The following TLK2 variants were observed in gnomAD, a reference collection of about 807,000 sequenced individuals.
The protein encoded by TLK2 is tousled like kinase 2.
In TLK2, 6 loss-of-function variants were observed where a neutral mutation model predicts 117.3. The observed-to-expected ratio is 0.05, with a 90% CI of 0.03 to 0.10. The LOEUF is 0.10. Ranked by LOEUF, TLK2 falls within the 10% of genes least tolerant of loss-of-function variation. The pLI, the probability that TLK2 is intolerant of heterozygous loss-of-function variation, is 1.00. For missense variants in TLK2, 299 were observed against 901.2 expected (o/e 0.33, Z 8.56); for synonymous variants, 257 against 316.7 (o/e 0.81, Z 2.00).
intron 11 of TLK2, among the ~76,000 whole-genome samples, chr17:62,571,721 G>A (rs1225985306): frequency 2.0e-5 from 3 of 152,042 alleles, no homozygotes; most frequent in Admixed American, 6.6e-5. Flanking sequence ...AGATATGTTC[G>A]AATAAACTGT....
intron 2 of TLK2, among the ~76,000 whole-genome samples, chr17:62,513,801 C>T (rs573355519): frequency 1.3e-5 from 2 of 152,008 alleles, no homozygotes; most frequent in Non-Finnish European, 2.9e-5. Context: ...AAGTTCTCTG[C>T]CTCAGCCTCC....
At chr17:62,474,509 A>T (rs1314927856), upstream of TLK2, among the ~76,000 whole-genome samples, 6 of 151,750 alleles carry the variant, frequency 4.0e-5, no homozygotes, top group Non-Finnish European at 8.8e-5. Flanking sequence ...TCCTGGGTTC[A>T]TGCCATTCTC....
At chr17:62,594,046 G>A (rs918510379) in intron 16 of TLK2, among the ~76,000 whole-genome samples, 1 of 151,640 alleles carries the variant, frequency 6.6e-6, no homozygotes, top group African/African-American at 2.4e-5. Flanking sequence ...GCCTGCCTCA[G>A]CCTCCCAAAG....
chr17:62,523,820 T>C (rs1484075221), intron 5 of TLK2, among the ~76,000 whole-genome samples: 1 of 152,230 alleles, frequency 6.6e-6, no homozygotes, highest in Non-Finnish European at 1.5e-5. Context: ...TGACTTGGAC[T>C]CTTCTTTTGT....
intron 12 of TLK2, chr17:62,574,456 G>T: frequency 1.1e-6 from 1 of 881,170 alleles, no homozygotes. Flanking sequence ...TAAGTATAGC[G>T]ATAAAAATGT....
intron 12 of TLK2, among the ~76,000 whole-genome samples, chr17:62,573,913 C>T (rs972582213): frequency 2.0e-5 from 3 of 152,178 alleles, no homozygotes; most frequent in African/African-American, 7.2e-5. Context: ...GTATCTTAAA[C>T]TGCAGTACAG....
At position 62,612,462 on chromosome 17, in the gene TLK2, C is replaced by T. The variant is rs760023526; in HGVS notation, c.2150C>T (p.Pro717Leu). The T allele has an allele frequency of 1.9e-6, 3 of 1,614,170 alleles. No homozygotes were observed. In the East Asian group the frequency reaches 6.7e-5, roughly 36 times the overall value. ...GATGTCCAGCAGCTGGCCTGTGATCCCTACTTGTTGCCTCACATCCGAAAG... is the reference window on the plus strand; with the variant it reads ...GATGTCCAGCAGCTGGCCTGTGATCTCTACTTGTTGCCTCACATCCGAAAG... ...RIDVQQLACDPYLLPHIRKSV... is the reference protein window; with the variant it reads ...RIDVQQLACDLYLLPHIRKSV... The change falls in exon 22 of 22, where the codon CCC (proline) becomes CTC (leucine). Residue 717 changes from proline (P) to leucine (L), a missense_variant. This residue lies in a region of TLK2 where 81 missense variants were observed against 370.9 expected (regional missense o/e 0.22). Transcript: ENST00000346027.
chr17:62,578,101 A>G (rs978155356), intron 13 of TLK2, among the ~76,000 whole-genome samples: 10 of 152,200 alleles, frequency 6.6e-5, no homozygotes, highest in African/African-American at 2.4e-4. Context: ...ATACTTAAAG[A>G]TGAGAACCGA....
chr17:62,602,599 T>C (rs1473259856), intron 19 of TLK2, among the ~76,000 whole-genome samples: 1 of 152,122 alleles, frequency 6.6e-6, no homozygotes, highest in Non-Finnish European at 1.5e-5. Flanking sequence ...GATGTTGGAC[T>C]GTAGGGAGTT....
intron 6 of TLK2, among the ~76,000 whole-genome samples, chr17:62,535,355 A>T (rs1470970209): frequency 6.6e-6 from 1 of 152,176 alleles, no homozygotes; most frequent in Non-Finnish European, 1.5e-5. Context: ...CGTAATTGTG[A>T]TGTATTATCC....
chr17:62,609,135 G>A (rs533553671), intron 21 of TLK2, among the ~76,000 whole-genome samples: 17 of 152,272 alleles, frequency 1.1e-4, no homozygotes, highest in African/African-American at 3.1e-4. Flanking sequence ...TGTCTGGAGT[G>A]CAGTGGCATT....
At chr17:62,484,588 G>T (rs1452700144) in intron 2 of TLK2, among the ~76,000 whole-genome samples, 2 of 151,974 alleles carry the variant, frequency 1.3e-5, no homozygotes. Context: ...GTGAGCCATC[G>T]CGCCCAGCCT....
chr17:62,595,521 T>G (rs1330108751), intron 16 of TLK2, among the ~76,000 whole-genome samples: 1 of 151,820 alleles, frequency 6.6e-6, no homozygotes, highest in Non-Finnish European at 1.5e-5. Flanking sequence ...TCATGACTGC[T>G]GGGTTACCAG....
At chr17:62,549,420 A>AAAAAAAAAAAAAGT (rs2078246408) in intron 7 of TLK2, among the ~76,000 whole-genome samples, 4 of 7,468 alleles carry the variant, frequency 5.4e-4, no homozygotes, top group Admixed American at 2.3e-3. Context: ...AAAAAAAAAA[A>AAAAAAAAAAAAAGT]AAAAAAAAAA....
intron 2 of TLK2, among the ~76,000 whole-genome samples, chr17:62,513,081 TGTTG>T (rs1345509553): frequency 6.6e-6 from 1 of 151,206 alleles, no homozygotes; most frequent in Non-Finnish European, 1.5e-5. Flanking sequence ...GGTTTCACAA[TGTTG>T]GCCAGGCTGG....
chr17:62,526,646 C>T (rs1598388603), intron 6 of TLK2, among the ~76,000 whole-genome samples: 1 of 152,094 alleles, frequency 6.6e-6, no homozygotes, highest in Admixed American at 6.6e-5. Context: ...CCCTTCCCTA[C>T]CATAACAATA....
At chr17:62,546,292 C>T (rs146102289) in intron 7 of TLK2, among the ~76,000 whole-genome samples, 254 of 148,174 alleles carry the variant, frequency 1.7e-3, no homozygotes, top group African/African-American at 5.9e-3. Flanking sequence ...CGATTATAGG[C>T]GTGAGCCACT....
chr17:62,518,419 CTG>C (rs570662673), intron 2 of TLK2, among the ~76,000 whole-genome samples: 1 of 152,030 alleles, frequency 6.6e-6, no homozygotes, highest in African/African-American at 2.4e-5. Context: ...AAGGAACAAA[CTG>C]GGCCTGGTGC....
intron 2 of TLK2, among the ~76,000 whole-genome samples, chr17:62,511,201 A>G (rs1375571965): frequency 6.6e-6 from 1 of 152,168 alleles, no homozygotes; most frequent in Non-Finnish European, 1.5e-5. Context: ...GCTTGTAACC[A>G]CTACAGTCAA....
Sources: allele counts gnomAD v4.1 joint callset (sites outside exome capture counted in the v4.1 genomes callset), GRCh38; gene constraint gnomAD v4.1.1; regional missense constraint gnomAD v4.1.1; transcripts MANE v1.5; gene names NCBI Gene and HGNC (gene_info 2026-07-23, HGNC 2026-07-21).